C11orf65: variants seen among roughly 807,000 people sequenced by gnomAD.
The protein encoded by C11orf65 is protein MFI.
Under a neutral mutation model 35.3 loss-of-function variants are expected in C11orf65, and 38 were observed. The ratio of observed to expected loss-of-function variants is 1.08; its 90% CI spans 0.83 to 1.41. The LOEUF is 1.41. Among genes scored for constraint, C11orf65 ranks in the 40% most tolerant of loss-of-function variants. C11orf65 has a pLI of 0.00. For missense variants in C11orf65, 370 were observed against 367.1 expected (o/e 1.01, Z -0.06); for synonymous variants, 105 against 114.4 (o/e 0.92, Z 0.53).
rs1591199097 is a variant in C11orf65, at chr11:108,335,931, G to GA, written c.227-640dup. 1 of 1,613,582 alleles carries GA rather than the reference G, an allele frequency of 6.2e-7. No individual in the cohort carries two copies. The highest frequency in any genetic ancestry group is 8.5e-7 in the Non-Finnish European group (1 of 1,179,556). ...TACTGCAGAGAAACACGGAAACTAG[G>GA]AAGAGGAAATTAACTATCTGTACTT... is the stretch of plus-strand genomic sequence containing the variant. On this transcript the variant is annotated intron_variant, in intron 2 of 3. Coordinates refer to the C11orf65 transcript ENST00000524755.
chr11:108,359,706 T>A (rs1457199665), intron 2 of C11orf65, among the ~76,000 whole-genome samples: 1 of 151,840 alleles, frequency 6.6e-6, no homozygotes, highest in African/African-American at 2.4e-5. Context: ...ACTGGATACA[T>A]AATGAAATGA....
rs547093220 is a variant in C11orf65, at chr11:108,438,109, G to A, written c.82-6271C>T. Among the ~76,000 whole-genome samples the A allele has an allele frequency of 3.9e-5, 6 of 152,230 alleles. No individual in the cohort carries two copies. In the South Asian group the frequency reaches 1.0e-3, roughly 26 times the overall value. ...CTCCAAATAGACTCATATATATGTC[G>A]TCAACTCATTTTTGACAAGGGTTTC... On this transcript the variant is annotated intron_variant, in intron 2 of 8. Coordinates refer to ENST00000393084, the MANE Select transcript of C11orf65 (RefSeq NM_152587.5).
At chr11:108,359,744 C>G (rs1427470809) in intron 2 of C11orf65, among the ~76,000 whole-genome samples, 2 of 151,966 alleles carry the variant, frequency 1.3e-5, no homozygotes, top group African/African-American at 4.8e-5. Context: ...TTCTTTGAAA[C>G]CAACGAGAAC....
At chr11:108,450,068 CAAA>C (rs1200582462) in intron 2 of C11orf65, among the ~76,000 whole-genome samples, 1 of 151,974 alleles carries the variant, frequency 6.6e-6, no homozygotes, top group South Asian at 2.1e-4. Context: ...AAATGCAAAT[CAAA>C]ACCACAATGA....
intron 2 of C11orf65, among the ~76,000 whole-genome samples, chr11:108,347,644 A>G (rs1418290046): frequency 1.3e-5 from 2 of 152,260 alleles, no homozygotes; most frequent in Middle Eastern, 3.4e-3. Context: ...ATTCAAAAGA[A>G]GGAATCAGGG....
chr11:108,335,216 T>C, intron 3 of C11orf65: 1 of 1,578,920 alleles, frequency 6.3e-7, no homozygotes, highest in Non-Finnish European at 8.6e-7. Flanking sequence ...TTTTGAATAC[T>C]TACAAATGAG....
chr11:108,315,828 T>C lies in C11orf65; in HGVS notation c.641-6757A>G, dbSNP rs1324998068. 1 of 1,611,316 alleles carries C rather than the reference T, an allele frequency of 6.2e-7. No homozygotes were observed. The highest frequency in any genetic ancestry group is 1.7e-5 in the Admixed American group (1 of 59,996). ...TGTTGTTTCCATGTTTTCAGGATCT[T>C]CTCTTAGAAATCTACAGAAGTATAG... On this transcript the variant is annotated intron_variant, in intron 6 of 6. Coordinates refer to the C11orf65 transcript ENST00000525729.
chr11:108,453,298 T>C (rs1008921390), intron 2 of C11orf65, among the ~76,000 whole-genome samples: 1 of 149,286 alleles, frequency 6.7e-6, no homozygotes, highest in Non-Finnish European at 1.5e-5. Flanking sequence ...CTAACAATAT[T>C]TAATTACCAC....
intron 2 of C11orf65, among the ~76,000 whole-genome samples, chr11:108,435,968 C>A (rs2093053698): frequency 6.6e-6 from 1 of 152,034 alleles, no homozygotes; most frequent in African/African-American, 2.4e-5. Flanking sequence ...GGGAAATTAT[C>A]CTCATTGGCC....
chr11:108,376,238 T>A (rs1236067511), intron 2 of C11orf65, among the ~76,000 whole-genome samples: 1 of 151,472 alleles, frequency 6.6e-6, no homozygotes, highest in Non-Finnish European at 1.5e-5. Context: ...GAAGTAAAGC[T>A]CTCCTCAGCA....
At chr11:108,319,817 C>A (rs1475690885) in intron 6 of C11orf65, 3 of 654,068 alleles carry the variant, frequency 4.6e-6, no homozygotes, top group Admixed American at 2.9e-5. Flanking sequence ...GTATTTCTTA[C>A]CAAAAATTCT....
At chr11:108,350,771 T>C (rs450294) in intron 2 of C11orf65, among the ~76,000 whole-genome samples, 151,836 of 152,310 alleles carry the variant, frequency 1, 75,683 homozygotes, top group Middle Eastern at 1. Context: ...GTCTGGAAGA[T>C]GCAAATTAGA....
intron 3 of C11orf65, among the ~76,000 whole-genome samples, chr11:108,415,946 C>T (rs187623519): frequency 2.1e-3 from 327 of 152,246 alleles, no homozygotes; most frequent in Non-Finnish European, 3.9e-3. Flanking sequence ...AGACAAAGAT[C>T]TTACACCTTT....
chr11:108,330,539 C>A, downstream of C11orf65: 1 of 991,670 alleles, frequency 1.0e-6, no homozygotes, highest in Non-Finnish European at 1.6e-6. Context: ...CAGTGCTCTA[C>A]ACATAAGTAG....
At position 108,335,040 on chromosome 11, in the gene C11orf65, A is replaced by C. The variant is rs540266635; in HGVS notation, c.299+180T>G. ...TTAAAGCAGAATTTCGCTTAGCAGG[A>C]GGTGTAAATTTACCAAAAATAATAG... On this transcript the variant is annotated intron_variant, in intron 3 of 3. Coordinates refer to the C11orf65 transcript ENST00000524755. 5.9e-5 allele frequency: 95 copies of C among 1,614,100 alleles called. No individual in the cohort carries two copies. The South Asian group carries it at 1.0e-3, about 17-fold the overall frequency.
At chr11:108,353,676 G>C in intron 2 of C11orf65, 4 of 1,052,560 alleles carry the variant, frequency 3.8e-6, no homozygotes, top group Non-Finnish European at 5.9e-6. Flanking sequence ...GTAACATGTG[G>C]TTTCTTGCCT....
At chr11:108,423,234 C>G (rs1254973988) in intron 3 of C11orf65, among the ~76,000 whole-genome samples, 1 of 152,038 alleles carries the variant, frequency 6.6e-6, no homozygotes, top group Admixed American at 6.5e-5. Flanking sequence ...CGAGACAGAC[C>G]CATTCACTCC....
chr11:108,339,882 T>G (rs1292344149), intron 2 of C11orf65, among the ~76,000 whole-genome samples: 1 of 152,178 alleles, frequency 6.6e-6, no homozygotes, highest in African/African-American at 2.4e-5. Context: ...GGAGAGGGCA[T>G]GTAGAATACT....
chr11:108,468,609 AGGTT>A (rs1188723734), upstream of C11orf65, among the ~76,000 whole-genome samples: 1 of 152,230 alleles, frequency 6.6e-6, no homozygotes, highest in Non-Finnish European at 1.5e-5. Context: ...AATTCTTGGT[AGGTT>A]AATTCAGTGA....
Sources: gnomAD v4.1 joint callset for allele counts (sites outside exome capture counted in the v4.1 genomes callset) on GRCh38, gnomAD v4.1.1 for gene constraint, MANE v1.5 for transcripts, NCBI Gene and HGNC (gene_info 2026-07-23, HGNC 2026-07-21) for gene names.